Variants in OBP2B observed in about 807,000 individuals in gnomAD.
OBP2B encodes the protein odorant-binding protein 2b.
A neutral mutation model predicts 21.7 loss-of-function variants in OBP2B; 10 were observed. The ratio of observed to expected loss-of-function variants is 0.46; its 90% CI spans 0.28 to 0.78. The LOEUF is 0.78. OBP2B is among the 30% of genes least tolerant of loss of function. OBP2B has a pLI of 0.11. For missense variants in OBP2B, 153 were observed against 217.7 expected (o/e 0.70, Z 1.87); for synonymous variants, 73 against 91.5 (o/e 0.80, Z 1.16).
intron 4 of OBP2B, 184 bp from the exon 5 acceptor site, chr9:133,206,600 G>T: frequency 1.4e-6 from 1 of 713,796 alleles, no homozygotes; most frequent in Non-Finnish European, 2.3e-6. Context: ...CCAGGACAAG[G>T]GGAGAGACCC....
upstream of OBP2B, among the ~76,000 whole-genome samples, chr9:133,212,717 G>A (rs1469111454): frequency 3.9e-5 from 6 of 152,294 alleles, no homozygotes; most frequent in East Asian, 1.9e-4. Context: ...GATCACTTGC[G>A]ATCAGGAATT....
At position 133,208,504 on chromosome 9, in the gene OBP2B, C is replaced by T. The variant is rs782128888; in HGVS notation, c.171G>A (p.Leu57=). The change falls in exon 2 of 7, where the codon CTG becomes CTA. Residue 57 remains leucine, a synonymous_variant. Transcript: ENST00000372034. ...RKVSPVKVTA[L]GGGKLEATFT... is the part of the protein sequence containing the mutation. ...ACGTGGCTTCCAACTTCCCACCGCC[C>T]AGGGCTGTCACCTTCACTGGGGACA... 1.2e-6 allele frequency: 2 copies of T among 1,613,872 alleles called. No individual in the cohort carries two copies. The highest frequency in any genetic ancestry group is 1.7e-6 in the Non-Finnish European group (2 of 1,179,808).
At chr9:133,222,589 G>A in the OBP2B span, among the ~76,000 whole-genome samples, 4 of 152,216 alleles carry the variant, frequency 2.6e-5, no homozygotes, top group Admixed American at 1.3e-4. Context: ...TTAGCCGGGC[G>A]TGGAGGCACG....
the OBP2B span, among the ~76,000 whole-genome samples, chr9:133,214,503 T>C: frequency 2.6e-5 from 4 of 152,240 alleles, no homozygotes; most frequent in Non-Finnish European, 5.9e-5. Context: ...CTGCATCTTG[T>C]TCCAATGGTT....
At chr9:133,211,224 T>G (rs148056349), upstream of OBP2B, among the ~76,000 whole-genome samples, 154 of 152,304 alleles carry the variant, frequency 1.0e-3, no homozygotes, top group African/African-American at 3.4e-3. Flanking sequence ...GAGTGGGAGC[T>G]TACGATGAAT....
the OBP2B span, among the ~76,000 whole-genome samples, chr9:133,219,150 G>A: frequency 2.0e-4 from 31 of 152,254 alleles, no homozygotes; most frequent in Admixed American, 6.5e-5. Flanking sequence ...AGACCTCAAC[G>A]TAAGAGCTAA....
At chr9:133,206,956 C>T (rs1833738245) in intron 4 of OBP2B, among the ~76,000 whole-genome samples, 1 of 152,034 alleles carries the variant, frequency 6.6e-6, no homozygotes, top group South Asian at 2.1e-4. Flanking sequence ...CTTAAGGTGA[C>T]CCTCCCCCTT....
At chr9:133,211,307 T>C (rs1458297101), upstream of OBP2B, among the ~76,000 whole-genome samples, 1 of 152,218 alleles carries the variant, frequency 6.6e-6, no homozygotes, top group South Asian at 2.1e-4. Flanking sequence ...ATTTTAATTA[T>C]TTCAGAGACG....
the OBP2B span, among the ~76,000 whole-genome samples, chr9:133,222,386 C>T: frequency 1.3e-3 from 200 of 152,348 alleles, 1 homozygote; most frequent in African/African-American, 4.6e-3. Flanking sequence ...ACCTGTGACT[C>T]CTTCCTCTGC....
chr9:133,218,521 A>G, the OBP2B span, among the ~76,000 whole-genome samples: 1 of 152,224 alleles, frequency 6.6e-6, no homozygotes, highest in African/African-American at 2.4e-5. Context: ...AGGATGGTGC[A>G]CTGATTTCTA....
intron 3 of OBP2B, 76 bp downstream of exon 3, chr9:133,208,057 C>T (rs1377138483): frequency 4.6e-6 from 7 of 1,514,236 alleles, no homozygotes; most frequent in Non-Finnish European, 5.4e-6. Context: ...AGCCTGGGCA[C>T]TCTCTACCTG....
chr9:133,217,332 G>A, the OBP2B span, among the ~76,000 whole-genome samples: 43 of 152,248 alleles, frequency 2.8e-4, no homozygotes, highest in African/African-American at 1.0e-3. Context: ...AGCTCCACAC[G>A]TACCCTTCAT....
At position 133,206,649 on chromosome 9, in the gene OBP2B, A is replaced by AGCATATCCTAACCTTT. The variant is rs1286738204; in HGVS notation, c.389-234_389-233insAAAGGTTAGGATATGC. 4.1e-3 allele frequency among the ~76,000 whole-genome samples: 616 copies of AGCATATCCTAACCTTT among 151,304 alleles called. 3 individuals are homozygous for AGCATATCCTAACCTTT. Among genetic ancestry groups the AGCATATCCTAACCTTT allele is most frequent in the African/African-American group, 0.014 (593 of 41,098 alleles). ...AGCTCTGGGGTGGGGCCGGGGACAG[A>AGCATATCCTAACCTTT]AGAGATGGCCATAGCCCAGCACCGG... On this transcript the variant is annotated intron_variant, in intron 4 of 6. Transcript: ENST00000372034.
At chr9:133,214,486 T>A in the OBP2B span, among the ~76,000 whole-genome samples, 9 of 152,214 alleles carry the variant, frequency 5.9e-5, no homozygotes, top group East Asian at 1.2e-3. Context: ...TGCAGGAGGA[T>A]GTTGGTCTGC....
the OBP2B span, among the ~76,000 whole-genome samples, chr9:133,220,258 G>A: frequency 6.6e-6 from 1 of 152,168 alleles, no homozygotes; most frequent in African/African-American, 2.4e-5. Flanking sequence ...TGAGTATGAT[G>A]GCATGTGGAA....
chr9:133,212,644 A>G (rs1219916056), upstream of OBP2B, among the ~76,000 whole-genome samples: 1 of 152,208 alleles, frequency 6.6e-6, no homozygotes, highest in African/African-American at 2.4e-5. Flanking sequence ...AAAATACAAC[A>G]TATCAGCTGG....
Position 133,206,420 on chromosome 9 carries a change from C to A in OBP2B, c.389-4G>T, listed in dbSNP as rs1211948199. The A allele has an allele frequency of 1.9e-6, 3 of 1,613,682 alleles. No homozygotes were observed. Among genetic ancestry groups the A allele is most frequent in the Non-Finnish European group, 2.5e-6 (3 of 1,179,668 alleles). On this transcript the variant is annotated splice_region_variant and splice_polypyrimidine_tract_variant and intron_variant, in intron 4 of 6. Transcript: ENST00000372034. ...CGGTTGGTATCAGAATTCCTACCTG[C>A]AGGTGAGGTGGCCAGGTGAGCCGAC...
At chr9:133,220,374 G>A in the OBP2B span, among the ~76,000 whole-genome samples, 9 of 152,208 alleles carry the variant, frequency 5.9e-5, no homozygotes, top group African/African-American at 9.7e-5. Context: ...CCTGAGCTGC[G>A]CTCCATTAGG....
upstream of OBP2B, among the ~76,000 whole-genome samples, chr9:133,213,783 AT>A (rs1440446395): frequency 3.3e-5 from 5 of 152,232 alleles, no homozygotes; most frequent in Admixed American, 6.5e-5. Context: ...TAACATTTTA[AT>A]TTTAAAAGCT....
Sources: gnomAD v4.1 joint callset for allele counts (sites outside exome capture counted in the v4.1 genomes callset) on GRCh38, gnomAD v4.1.1 for gene constraint, MANE v1.5 for transcripts, NCBI Gene and HGNC (gene_info 2026-07-23, HGNC 2026-07-21) for gene names.